Variants in LRRC53 observed in about 807,000 individuals in gnomAD.
LRRC53 encodes the protein leucine rich repeat containing 53.
Under a neutral mutation model 13.6 loss-of-function variants are expected in LRRC53, and 25 were observed. The ratio of observed to expected loss-of-function variants is 1.83; its 90% CI spans 1.34 to 2.56. The LOEUF (loss-of-function observed/expected upper bound fraction) is 2.56. Among genes scored for constraint, LRRC53 ranks in the 30% most tolerant of loss-of-function variants. The pLI is 0.00. For synonymous variants in LRRC53, 204 were observed against 109.8 expected, an observed-to-expected ratio of 1.86 and a Z score of -5.37; for missense variants, 527 against 275.8, an observed-to-expected ratio of 1.91 and a Z score of -6.45.
chr1:74,497,062 G>A (rs917822869), intron 1 of LRRC53, among the ~76,000 whole-genome samples: 1 of 152,116 alleles, frequency 6.6e-6, no homozygotes, highest in East Asian at 1.9e-4. Context: ...GTCCATCAAA[G>A]GTTTCTTTAA....
Position 74,471,980 on chromosome 1 carries a change from T to C in LRRC53, c.1642A>G (p.Arg548Gly), listed in dbSNP as rs1028294986. ...HYVQKIVQKN[R>G]SKYDDPCGLL... ...CCACAAGGATCATCATATTTTGATCTATTTTTTTGTACGATCTTTTGTACA... is the reference window on the plus strand; with the variant it reads ...CCACAAGGATCATCATATTTTGATCCATTTTTTTGTACGATCTTTTGTACA... Residue 548 changes from arginine to glycine, a missense_variant, in exon 5 of 5, where the codon AGA becomes GGA. Transcript: ENST00000294635. The C allele has an allele frequency of 4.8e-6, 3 of 628,486 alleles. No individual in the cohort carries two copies. Among genetic ancestry groups the C allele is most frequent in the African/African-American group, 1.8e-5 (1 of 54,164 alleles). The allele number at this position is 628,486 out of a possible 1,614,324, so 38.9% of individuals were successfully genotyped here. A position where few individuals can be genotyped will look rare whatever the true frequency, so the allele number is the denominator to read the frequency against.
chr1:74,480,593 T>A lies in LRRC53; in HGVS notation c.464A>T (p.Asn155Ile). The change falls in exon 3 of 5, where the codon AAT (asparagine) becomes ATT (isoleucine). Residue 155 changes from asparagine to isoleucine, a missense_variant. By Grantham distance (149) the Asn-to-Ile change is moderately radical (BLOSUM62 -3). Transcript: ENST00000294635. ...ATCCAGATACCTGAGACTGTGGAGA[T>A]TCGTGCCTCCGAAAGAACTGTCTGT... ...NLTDSSFGGT[N>I]LHSLRYLDLS... is the part of the protein sequence containing the mutation. The A allele has an allele frequency of 1.4e-6, 1 of 717,290 alleles. No homozygotes were observed. The highest frequency in any genetic ancestry group is 2.7e-5 in the East Asian group (1 of 37,292). 44.4% of individuals were successfully genotyped at this position (717,290 alleles called of 1,614,324 possible). A position where few individuals can be genotyped will look rare whatever the true frequency, so the allele number is the denominator to read the frequency against.
At chr1:74,526,362 G>T in the LRRC53 span, among the ~76,000 whole-genome samples, 4 of 152,122 alleles carry the variant, frequency 2.6e-5, no homozygotes, top group African/African-American at 4.8e-5. Flanking sequence ...AATAAAATTG[G>T]TTTTGTGATT....
the LRRC53 span, among the ~76,000 whole-genome samples, chr1:74,526,195 G>A: frequency 6.6e-6 from 1 of 152,132 alleles, no homozygotes; most frequent in African/African-American, 2.4e-5. Context: ...AAGAACAAAG[G>A]AACATGGAAT....
At position 74,483,314 on chromosome 1, in the gene LRRC53, A is replaced by G; in HGVS notation, c.36T>C (p.Cys12=). ...GGGTTACATCTTTGGTGCACACCAC[A>G]CATGACTCAGGGCAAGCTGCCACCA... ...LRLVAACPES[C]VVCTKDVTLC... The change falls in exon 2 of 5, where the codon TGT becomes TGC. Residue 12 remains cysteine, a synonymous_variant. Transcript: ENST00000294635. 1.4e-6 allele frequency: 1 copy of G among 717,554 alleles called. No homozygotes were observed. Among genetic ancestry groups the G allele is most frequent in the South Asian group, 1.5e-5 (1 of 67,602 alleles). 44.4% of individuals were successfully genotyped at this position (717,554 alleles called of 1,614,324 possible).
chr1:74,526,979 G>A, the LRRC53 span, among the ~76,000 whole-genome samples: 1 of 152,184 alleles, frequency 6.6e-6, no homozygotes, highest in Non-Finnish European at 1.5e-5. Context: ...AGACCATATG[G>A]TCCACAAAGC....
At chr1:74,501,184 C>T (rs1270277652) in intron 1 of LRRC53, among the ~76,000 whole-genome samples, 1 of 151,976 alleles carries the variant, frequency 6.6e-6, no homozygotes, top group Non-Finnish European at 1.5e-5. Flanking sequence ...TTTCTCTATC[C>T]TGCTTTCTGG....
chr1:74,497,284 C>T (rs947057878), intron 1 of LRRC53, among the ~76,000 whole-genome samples: 1 of 152,108 alleles, frequency 6.6e-6, no homozygotes, highest in Admixed American at 6.6e-5. Context: ...TACCAGATAA[C>T]AGTGGCCATG....
the LRRC53 span, among the ~76,000 whole-genome samples, chr1:74,529,473 G>A: frequency 1.3e-5 from 2 of 152,274 alleles, no homozygotes; most frequent in Admixed American, 1.3e-4. Flanking sequence ...CAGACAGAAA[G>A]AAAATAAAGA....
At chr1:74,483,134 A>G (rs776686755) in intron 2 of LRRC53, 128 bp downstream of exon 2, 14 of 525,574 alleles carry the variant, frequency 2.7e-5, no homozygotes, top group Admixed American at 6.7e-5. Flanking sequence ...TAGTCATTGT[A>G]TGAAGTGTAC....
chr1:74,510,988 A>G (rs1455781464), intron 1 of LRRC53, among the ~76,000 whole-genome samples: 5 of 152,044 alleles, frequency 3.3e-5, no homozygotes, highest in Admixed American at 3.3e-4. Context: ...CCCAGGTTCA[A>G]GTGATTCTCC....
intron 1 of LRRC53, among the ~76,000 whole-genome samples, chr1:74,496,892 A>G (rs912896631): frequency 2.0e-5 from 3 of 152,146 alleles, no homozygotes; most frequent in Non-Finnish European, 2.9e-5. Flanking sequence ...CTGATACACA[A>G]CCTTTCAGAT....
chr1:74,530,661 G>T, the LRRC53 span, among the ~76,000 whole-genome samples: 1 of 152,134 alleles, frequency 6.6e-6, no homozygotes, highest in East Asian at 1.9e-4. Context: ...AAGATGGTAG[G>T]TGGGAAAATG....
chr1:74,493,288 G>A (rs1447270385), intron 1 of LRRC53, among the ~76,000 whole-genome samples: 1 of 152,144 alleles, frequency 6.6e-6, no homozygotes, highest in Non-Finnish European at 1.5e-5. Context: ...AATTAAAATG[G>A]TGGTTGTAAA....
the LRRC53 span, among the ~76,000 whole-genome samples, chr1:74,531,269 G>C: frequency 3.9e-5 from 6 of 152,154 alleles, no homozygotes; most frequent in African/African-American, 1.4e-4. Context: ...TGTCAAGTAG[G>C]AAATATTGAC....
chr1:74,513,275 G>T (rs543668958), upstream of LRRC53, among the ~76,000 whole-genome samples: 1 of 152,290 alleles, frequency 6.6e-6, no homozygotes, highest in African/African-American at 2.4e-5. Context: ...ACCGGGATGT[G>T]GAAATTTACT....
intron 1 of LRRC53, among the ~76,000 whole-genome samples, chr1:74,485,707 A>G (rs1367895281): frequency 6.6e-6 from 1 of 152,234 alleles, no homozygotes. Context: ...AGCTGGTCAC[A>G]GAGTGGAAGT....
At chr1:74,535,973 A>G in the LRRC53 span, among the ~76,000 whole-genome samples, 2 of 152,182 alleles carry the variant, frequency 1.3e-5, no homozygotes, top group African/African-American at 4.8e-5. Context: ...TAATAAAGTA[A>G]ATCTAGAATG....
chr1:74,521,867 T>A, the LRRC53 span, among the ~76,000 whole-genome samples: 1 of 152,338 alleles, frequency 6.6e-6, no homozygotes, highest in South Asian at 2.1e-4. Flanking sequence ...TTAAAGCCTG[T>A]GCTGGTCTAT....
Sources: gnomAD v4.1 joint callset for allele counts (sites outside exome capture counted in the v4.1 genomes callset) on GRCh38, gnomAD v4.1.1 for gene constraint, MANE v1.5 for transcripts, NCBI Gene and HGNC (gene_info 2026-07-23, HGNC 2026-07-21) for gene names.